Variants in TELO2 observed in about 807,000 individuals in gnomAD.
TELO2 encodes the protein telomere length regulation protein TEL2 homolog.
Under a neutral mutation model 91.0 loss-of-function variants are expected in TELO2, and 71 were observed. That is an observed-to-expected ratio of 0.78 (90% CI 0.64 to 0.95). The LOEUF is 0.95. Ranked by LOEUF, TELO2 falls within the 40% of genes least tolerant of loss-of-function variation. TELO2 has a pLI of 0.00. For synonymous variants in TELO2, 584 were observed against 518.9 expected, an observed-to-expected ratio of 1.13 and a Z score of -1.71; for missense variants, 1,183 against 1,141.3, an observed-to-expected ratio of 1.04 and a Z score of -0.53.
chr16:1,503,969 C>T (rs2039794813), intron 15 of TELO2, among the ~76,000 whole-genome samples: 1 of 151,872 alleles, frequency 6.6e-6, no homozygotes, highest in African/African-American at 2.4e-5. Flanking sequence ...CTGTCATCTC[C>T]ACCAGAAGAA....
rs1279496585 is a variant in TELO2, at chr16:1,500,221, G to A, written c.1002+57G>A. 6 of 1,550,106 alleles carry A rather than the reference G, an allele frequency of 3.9e-6. No homozygotes were observed. The South Asian group carries it at 4.7e-5, about 12-fold the overall frequency. ...GGCCCTGGGAGAAGAGCCGTGCGGG[G>A]CTCACCTTTTGGGCGGCAGGGTGAG... On this transcript the variant is annotated intron_variant, in intron 7 of 20. Coordinates refer to ENST00000262319, the MANE Select transcript of TELO2 (RefSeq NM_016111.4).
intron 7 of TELO2, 28 bp downstream of exon 7, chr16:1,500,192 G>A: frequency 6.3e-7 from 1 of 1,584,356 alleles, no homozygotes; most frequent in Non-Finnish European, 8.5e-7. Flanking sequence ...CTCCGTCCCT[G>A]CGAGGCCCTG....
rs764348787 is a variant in TELO2 at position 1,507,078 on chromosome 16, C to T, written c.2226+27C>T. 32 of 1,578,254 alleles carry T rather than the reference C, an allele frequency of 2.0e-5. 1 individual carries two copies. The highest frequency in any genetic ancestry group is 5.4e-5 in the Admixed American group (3 of 55,816). On this transcript the variant is annotated intron_variant, in intron 18 of 20. Transcript: ENST00000262319. ...TGAGCCGGGAGAGGTCGCCGGGCGC[C>T]GGCCTGTGCTAACCATGGATCAGGA...
chr16:1,502,871 A>C, intron 14 of TELO2, 60 bp from the exon 15 acceptor site: 5 of 1,603,776 alleles, frequency 3.1e-6, no homozygotes, highest in Non-Finnish European at 4.2e-6. Flanking sequence ...AGGTGCCCGG[A>C]GGTCGCCCCG....
intron 3 of TELO2, 134 bp downstream of exon 3, chr16:1,495,757 C>A: frequency 7.8e-7 from 1 of 1,282,236 alleles, no homozygotes; most frequent in Non-Finnish European, 1.1e-6. Flanking sequence ...TGGGGATGTC[C>A]CTGTCCCGCA....
chr16:1,505,569 C>G lies in TELO2; in HGVS notation c.2002C>G (p.Arg668Gly), dbSNP rs143422330. Reference protein sequence around the residue: ...ASDWRVVVEERIRSKTQRLSK... With the variant: ...ASDWRVVVEEGIRSKTQRLSK... ...TGACTGGCGGGTGGTGGTGGAGGAG[C>G]GGATCAGAAGCAAGACCCAGCGGCT... Residue 668 changes from arginine (R) to glycine (G), a missense_variant, in exon 16 of 21, where the codon CGG becomes GGG. Arg to Gly is a moderately radical substitution (Grantham distance 125). Coordinates refer to ENST00000262319, the MANE Select transcript of TELO2 (RefSeq NM_016111.4). The surrounding 1 kb of genome is among the most constrained non-coding windows in gnomAD (Gnocchi z 4.3). 4.5e-6 allele frequency: 7 copies of G among 1,568,108 alleles called. No homozygotes were observed. Among genetic ancestry groups the G allele is most frequent in the Non-Finnish European group, 5.2e-6 (6 of 1,152,196 alleles).
chr16:1,496,816 G>T (rs1353811518), intron 3 of TELO2, among the ~76,000 whole-genome samples: 1 of 152,246 alleles, frequency 6.6e-6, no homozygotes, highest in Admixed American at 6.5e-5. Context: ...GATTAAGTGG[G>T]CTAAGATGGG....
At chr16:1,503,244 C>T (rs1037033567) in intron 15 of TELO2, among the ~76,000 whole-genome samples, 4 of 152,162 alleles carry the variant, frequency 2.6e-5, no homozygotes, top group Non-Finnish European at 5.9e-5. Flanking sequence ...TAAAATTCAC[C>T]GCTTTAGGGT....
At position 1,494,256 on chromosome 16, in the gene TELO2, C is replaced by G. The variant is rs2039399043; in HGVS notation, c.-26C>G. ...GTGTCCATGTCACAGGTCGTCTTCC[C>G]GTGACGCCCAGATCTGTCCTGCAGG... On this transcript the variant is annotated 5_prime_UTR_variant, in exon 2 of 21. Coordinates refer to ENST00000262319, the MANE Select transcript of TELO2 (RefSeq NM_016111.4). This position sits in a 1 kb window ranked among gnomAD's most constrained non-coding sequence, Gnocchi z 5.6. 6.3e-7 allele frequency: 1 copy of G among 1,592,984 alleles called. No homozygotes were observed. Among genetic ancestry groups the G allele is most frequent in the Non-Finnish European group, 8.6e-7 (1 of 1,164,850 alleles).
chr16:1,506,568 C>T (rs45587336), intron 17 of TELO2: 24 of 1,416,182 alleles, frequency 1.7e-5, no homozygotes, highest in African/African-American at 4.3e-5. Context: ...GTGGCATGGC[C>T]GGCAGTGCCG....
At chr16:1,503,345 C>G (rs556746579) in intron 15 of TELO2, among the ~76,000 whole-genome samples, 1 of 152,106 alleles carries the variant, frequency 6.6e-6, no homozygotes, top group African/African-American at 2.4e-5. Flanking sequence ...GCGGGAGGAT[C>G]GCTGGAGCCC....
Position 1,502,139 on chromosome 16 carries a change from G to A in TELO2, c.1561+4G>A. 1.9e-6 allele frequency: 3 copies of A among 1,612,690 alleles called. No homozygotes were observed. The highest frequency in any genetic ancestry group is 2.5e-6 in the Non-Finnish European group (3 of 1,179,930). On this transcript the variant is annotated splice_donor_region_variant and intron_variant, in intron 12 of 20. Coordinates refer to ENST00000262319, the MANE Select transcript of TELO2 (RefSeq NM_016111.4). Reference sequence around the variant, plus strand: ...TACGTCCGGGACTGCGTGGAAGGTGGGCACGGGCCCCTGGAGGGCCTTGCT... The same window carrying A: ...TACGTCCGGGACTGCGTGGAAGGTGAGCACGGGCCCCTGGAGGGCCTTGCT...
chr16:1,501,005 C>T (rs1247859433), intron 9 of TELO2, among the ~76,000 whole-genome samples: 3 of 152,166 alleles, frequency 2.0e-5, no homozygotes, highest in Admixed American at 6.5e-5. Context: ...TTTGTCCGGC[C>T]GGGGCTGCAG....
rs938065278 is a variant in TELO2, at chr16:1,502,957, C to T, written c.1797C>T (p.Phe599=). 1.7e-5 allele frequency: 28 copies of T among 1,611,556 alleles called. No individual in the cohort carries two copies. In the East Asian group the frequency reaches 6.0e-4, roughly 35 times the overall value. The change falls in exon 15 of 21, where the codon TTC becomes TTT. Residue 599 remains phenylalanine, a synonymous_variant. Coordinates refer to ENST00000262319, the MANE Select transcript of TELO2 (RefSeq NM_016111.4). ...APVADYLTSQ[F]YALNYSLRQR... is the part of the protein sequence containing the mutation. ...TGGCCGACTATCTGACCTCACAGTT[C>T]TATGCCCTCAACTACAGCCTCCGGC... is the stretch of plus-strand genomic sequence containing the variant.
At chr16:1,503,292 C>T (rs1891477906) in intron 15 of TELO2, among the ~76,000 whole-genome samples, 1 of 152,188 alleles carries the variant, frequency 6.6e-6, no homozygotes, top group Non-Finnish European at 1.5e-5. Context: ...TATTATTTAG[C>T]AATGAAAAAG....
intron 6 of TELO2, among the ~76,000 whole-genome samples, chr16:1,499,808 C>T (rs981841319): frequency 4.6e-5 from 7 of 152,236 alleles, no homozygotes; most frequent in South Asian, 2.1e-4. Flanking sequence ...CTTAAGATGG[C>T]GAGGCCCTGC....
At chr16:1,506,852 G>A in intron 17 of TELO2, 100 bp from the exon 18 acceptor site, 1 of 1,449,944 alleles carries the variant, frequency 6.9e-7, no homozygotes, top group Non-Finnish European at 9.1e-7. Context: ...ACGGGAGGAG[G>A]GGCTGTGTGG....
intron 20 of TELO2, among the ~76,000 whole-genome samples, chr16:1,508,914 C>T (rs73495693): frequency 0.094 from 14,267 of 152,214 alleles, 901 homozygotes; most frequent in African/African-American, 0.16. Context: ...GTGGGGAGTG[C>T]TGTGCTGGGC....
In TELO2 at chr16:1,495,473, A is replaced by G. The variant is rs752825072; in HGVS notation, c.463A>G (p.Thr155Ala). 3.1e-6 allele frequency: 5 copies of G among 1,610,306 alleles called. No homozygotes were observed. The highest frequency in any genetic ancestry group is 1.7e-5 in the Admixed American group (1 of 59,904). The change falls in exon 3 of 21, where the codon ACG (threonine) becomes GCG (alanine). Residue 155 changes from threonine to alanine, a missense_variant. Coordinates refer to ENST00000262319, the MANE Select transcript of TELO2 (RefSeq NM_016111.4). The part of the protein sequence containing the change: ...TQPGFILLRE[T>A]LLGKVVALPD... ...GCCCGGCTTCATCCTGCTCCGGGAG[A>G]CGCTGCTGGGCAAGGTGGTGGCCCT...
Sources: allele counts gnomAD v4.1 joint callset (sites outside exome capture counted in the v4.1 genomes callset), GRCh38; gene constraint gnomAD v4.1.1; non-coding constraint Gnocchi (gnomAD v3.1); transcripts MANE v1.5; gene names NCBI Gene and HGNC (gene_info 2026-07-23, HGNC 2026-07-21).